The following PRKCI variants were observed in gnomAD, a reference collection of about 807,000 sequenced individuals.
PRKCI encodes the protein protein kinase C iota type.
PRKCI carries 43 observed loss-of-function variants against 84.0 expected under a neutral mutation model. That is an observed-to-expected ratio of 0.51 (90% CI 0.40 to 0.66). The LOEUF is 0.66. Among genes scored for constraint, PRKCI ranks in the 30% least tolerant of loss-of-function variants. The pLI is 0.00. For missense variants in PRKCI, 459 were observed against 745.6 expected (o/e 0.62, Z 4.48); for synonymous variants, 216 against 234.4 (o/e 0.92, Z 0.72).
rs1734915699 is a variant in PRKCI, at chr3:170,304,793, TTATC to T, written c.*1669_*1672del. ...AAAGGGACTTAAAAAGTAAACATGA[TTATC>T]TAAATTACTTAAAATTTTTTAATCT... is the stretch of plus-strand genomic sequence containing the variant. On this transcript the variant is annotated 3_prime_UTR_variant, in exon 18 of 18. Coordinates refer to ENST00000295797, the MANE Select transcript of PRKCI (RefSeq NM_002740.6). 1 of 152,180 alleles carries T rather than the reference TTATC, an allele frequency of 6.6e-6. No homozygotes were observed. Among genetic ancestry groups the T allele is most frequent in the Non-Finnish European group, 1.5e-5 (1 of 68,020 alleles). The allele number at this position is 152,180 out of a possible 1,614,324, so 9.4% of individuals were successfully genotyped here.
rs1732511864 is a variant in PRKCI, at chr3:170,222,518, CGACCCTTGGGTCGGCGCTGCGGGCGAGGT to C, written c.-150_-122del. 1.9e-5 allele frequency: 12 copies of C among 620,814 alleles called. No individual in the cohort carries two copies. The highest frequency in any genetic ancestry group is 2.3e-5 in the Non-Finnish European group (9 of 397,102). 38.5% of individuals were successfully genotyped at this position (620,814 alleles called of 1,614,324 possible). On this transcript the variant is annotated 5_prime_UTR_variant, in exon 1 of 18. Coordinates refer to ENST00000295797, the MANE Select transcript of PRKCI (RefSeq NM_002740.6). ...CGCGGTTCCGGCTGCTCCGGCGAGG[CGACCCTTGGGTCGGCGCTGCGGGCGAGGT>C]GGGCAGGTAGGTGGGCGGACGGCCG...
chr3:170,222,530 C>G lies in PRKCI; in HGVS notation c.-140C>G, dbSNP rs1261165775. ...TGCTCCGGCGAGGCGACCCTTGGGT[C>G]GGCGCTGCGGGCGAGGTGGGCAGGT... On this transcript the variant is annotated 5_prime_UTR_variant, in exon 1 of 18. Coordinates refer to ENST00000295797, the MANE Select transcript of PRKCI (RefSeq NM_002740.6). 1 of 698,576 alleles carries G rather than the reference C, an allele frequency of 1.4e-6. No individual in the cohort carries two copies. Among genetic ancestry groups the G allele is most frequent in the Non-Finnish European group, 2.2e-6 (1 of 459,194 alleles). 43.3% of individuals were successfully genotyped at this position (698,576 alleles called of 1,614,324 possible).
chr3:170,255,451 A>G (rs2108846483), intron 2 of PRKCI, among the ~76,000 whole-genome samples: 1 of 152,030 alleles, frequency 6.6e-6, no homozygotes, highest in East Asian at 1.9e-4. Context: ...TTACTTTTTC[A>G]GATTATTTGC....
chr3:170,230,708 C>T (rs967272683), intron 1 of PRKCI, among the ~76,000 whole-genome samples: 3 of 152,144 alleles, frequency 2.0e-5, no homozygotes, highest in Non-Finnish European at 2.9e-5. Flanking sequence ...GGTACTGACA[C>T]AACTTTTTTT....
rs1732515253 is a variant in PRKCI at position 170,222,598 on chromosome 3, G to A, written c.-72G>A. 1.5e-6 allele frequency: 2 copies of A among 1,317,574 alleles called. No homozygotes were observed. The highest frequency in any genetic ancestry group is 1.4e-5 in the South Asian group (1 of 69,360). The allele number at this position is 1,317,574 out of a possible 1,614,324, so 81.6% of individuals were successfully genotyped here. On this transcript the variant is annotated 5_prime_UTR_variant, in exon 1 of 18. Coordinates refer to ENST00000295797, the MANE Select transcript of PRKCI (RefSeq NM_002740.6). ...CGGTTCTCCGGCAAGCGCAGGCGGCGGAGTCCCCCACGGCGCCCGAAGCGC... is the reference window on the plus strand; with the variant it reads ...CGGTTCTCCGGCAAGCGCAGGCGGCAGAGTCCCCCACGGCGCCCGAAGCGC...
chr3:170,268,140 C>T (rs1560177337), intron 5 of PRKCI, 140 bp downstream of exon 5: 1 of 658,142 alleles, frequency 1.5e-6, no homozygotes, highest in Non-Finnish European at 2.5e-6. Flanking sequence ...TTCCAGTTTG[C>T]CTGAGGCAGT....
chr3:170,287,336 T>TAG (rs142905735), intron 12 of PRKCI, among the ~76,000 whole-genome samples: 7 of 150,504 alleles, frequency 4.7e-5, no homozygotes, highest in African/African-American at 1.5e-4. Context: ...TATATATATA[T>TAG]ATAGAGAGAG....
chr3:170,245,950 T>TTTTTTTTTTTTGTTTGTTTGTTTG (rs1491090525), intron 2 of PRKCI, among the ~76,000 whole-genome samples: 1 of 44,348 alleles, frequency 2.3e-5, no homozygotes, highest in African/African-American at 1.3e-4. Flanking sequence ...TATGTCTTTG[T>TTTTTTTTTTTTGTTTGTTTGTTTG]TTTTTTTTTT....
At chr3:170,252,112 G>A (rs1733465467) in intron 2 of PRKCI, among the ~76,000 whole-genome samples, 1 of 151,844 alleles carries the variant, frequency 6.6e-6, no homozygotes, top group Non-Finnish European at 1.5e-5. Flanking sequence ...TGCTGGGGAG[G>A]CTGAGGCAGG....
chr3:170,235,726 C>T (rs1346059941), intron 2 of PRKCI, among the ~76,000 whole-genome samples: 5 of 151,846 alleles, frequency 3.3e-5, no homozygotes, highest in Admixed American at 1.3e-4. Flanking sequence ...CCACCATGCC[C>T]GGCTAATTTT....
chr3:170,299,012 G>A lies in PRKCI; in HGVS notation c.1605G>A (p.Val535=), dbSNP rs968042086. Residue 535 remains valine (V), a synonymous_variant, in exon 17 of 18, where the codon GTG becomes GTA. Coordinates refer to ENST00000295797, the MANE Select transcript of PRKCI (RefSeq NM_002740.6). Reference sequence around the variant, plus strand: ...CTTTTCAGATGGAGCAAAAACAGGTGGTACCTCCCTTTAAACCAAATATTT... The same window carrying A: ...CTTTTCAGATGGAGCAAAAACAGGTAGTACCTCCCTTTAAACCAAATATTT... The part of the protein sequence containing the change: ...VDWDMMEQKQ[V]VPPFKPNISG... The A allele has an allele frequency of 1.9e-6, 3 of 1,611,910 alleles. No homozygotes were observed. Among genetic ancestry groups the A allele is most frequent in the Admixed American group, 3.3e-5 (2 of 59,948 alleles).
chr3:170,264,116 A>G (rs766322236), intron 4 of PRKCI, among the ~76,000 whole-genome samples: 5 of 152,004 alleles, frequency 3.3e-5, no homozygotes, highest in African/African-American at 4.8e-5. Flanking sequence ...TTATCTCTGT[A>G]TCTGTCTATA....
At chr3:170,263,183 A>G (rs1281166665) in intron 3 of PRKCI, among the ~76,000 whole-genome samples, 196 bp from the exon 4 acceptor site, 1 of 138,098 alleles carries the variant, frequency 7.2e-6, no homozygotes, top group Non-Finnish European at 1.6e-5. Flanking sequence ...AAAAAAAAAA[A>G]CCTTCTTTTA....
rs965062687 is a variant in PRKCI, at chr3:170,304,984, C to T, written c.*1857C>T. On this transcript the variant is annotated 3_prime_UTR_variant, in exon 18 of 18. Coordinates refer to ENST00000295797, the MANE Select transcript of PRKCI (RefSeq NM_002740.6). The stretch of plus-strand genomic sequence containing the variant: ...TATATACTCTCTTTCCTTCAAATAA[C>T]ATAAGTCTGAAAGCAATGAAAACGT... 3.3e-5 allele frequency: 5 copies of T among 152,020 alleles called. No individual in the cohort carries two copies. The highest frequency in any genetic ancestry group is 7.4e-5 in the Non-Finnish European group (5 of 67,992). The allele number at this position is 152,020 out of a possible 1,614,324, so 9.4% of individuals were successfully genotyped here.
intron 2 of PRKCI, among the ~76,000 whole-genome samples, chr3:170,247,950 C>T (rs561076849): frequency 4.3e-4 from 65 of 152,122 alleles, no homozygotes; most frequent in Non-Finnish European, 8.4e-4. Context: ...AGCAGTGTAA[C>T]CCTTTACAGT....
At chr3:170,280,456 T>TC in intron 9 of PRKCI, 53 bp downstream of exon 9, 1 of 1,481,288 alleles carries the variant, frequency 6.8e-7, no homozygotes, top group East Asian at 2.4e-5. Flanking sequence ...ACTATTCTTT[T>TC]TTTTTTTTGA....
chr3:170,295,982 CT>C lies in PRKCI; in HGVS notation c.1491del (p.Asn498IlefsTer32). On this transcript the variant is annotated frameshift_variant, in exon 15 of 18. Transcript: ENST00000295797. LOFTEE classifies it high-confidence loss of function. ...VKAASVLKSFLNKDPKERLGC... is the reference protein window; with the variant it reads ...VKAASVLKSFXNKDPKERLGC... ...AGCTGCAAGTGTTCTGAAGAGTTTT[CT>C]TAATAAGGTATAAATTGTGTATAAG... 6.5e-7 allele frequency: 1 copy of C among 1,537,856 alleles called. No individual in the cohort carries two copies. The highest frequency in any genetic ancestry group is 1.8e-4 in the Middle Eastern group (1 of 5,446).
intron 2 of PRKCI, among the ~76,000 whole-genome samples, chr3:170,241,210 C>CT (rs375468073): frequency 2.0e-5 from 3 of 152,112 alleles, no homozygotes; most frequent in Non-Finnish European, 4.4e-5. Context: ...AAAATCCACT[C>CT]TTTTTGTTAT....
intron 1 of PRKCI, among the ~76,000 whole-genome samples, chr3:170,230,919 T>C (rs1732771473): frequency 6.6e-6 from 1 of 151,962 alleles, no homozygotes; most frequent in Non-Finnish European, 1.5e-5. Flanking sequence ...AACTTTGATA[T>C]ATGTTATGGA....
Sources: gnomAD v4.1 joint callset for allele counts (sites outside exome capture counted in the v4.1 genomes callset) on GRCh38, gnomAD v4.1.1 for gene constraint, MANE v1.5 for transcripts, NCBI Gene and HGNC (gene_info 2026-07-23, HGNC 2026-07-21) for gene names.